The following SRRM3 variants were observed in gnomAD, a reference collection of about 807,000 sequenced individuals.
The protein encoded by SRRM3 is serine/arginine repetitive matrix protein 3.
SRRM3 carries 27 observed loss-of-function variants against 66.2 expected under a neutral mutation model. The observed-to-expected ratio is 0.41, with a 90% CI of 0.30 to 0.56. The LOEUF is 0.56. SRRM3 is among the 20% of genes least tolerant of loss of function. The probability of loss-of-function intolerance (pLI) is 0.32; values close to 1 mark genes in which losing one functional copy is unlikely to be tolerated. For synonymous variants in SRRM3, 391 were observed against 414.9 expected (o/e 0.94, Z 0.70); for missense variants, 918 against 991.9 (o/e 0.93, Z 1.00).
chr7:76,264,748 G>T lies in SRRM3; in HGVS notation c.675-17G>T. ...CTCCCCGGGCCACACCATCACTGTG[G>T]TCTCTGCTCTCTGCAGATCTCGAAG... On this transcript the variant is annotated splice_polypyrimidine_tract_variant and intron_variant, in intron 8 of 14. Coordinates refer to ENST00000611745, the MANE Select transcript of SRRM3 (RefSeq NM_001110199.3). 6.2e-7 allele frequency: 1 copy of T among 1,613,770 alleles called. No homozygotes were observed. Among genetic ancestry groups the T allele is most frequent in the South Asian group, 1.1e-5 (1 of 91,072 alleles).
At chr7:76,236,339 A>G (rs1801154485) in intron 2 of SRRM3, among the ~76,000 whole-genome samples, 1 of 150,758 alleles carries the variant, frequency 6.6e-6, no homozygotes, top group Non-Finnish European at 1.5e-5. Context: ...AGAAAGAAAG[A>G]AACTAGTGGG....
intron 11 of SRRM3, chr7:76,269,263 T>A (rs1802148775): frequency 6.6e-6 from 1 of 152,156 alleles, no homozygotes; most frequent in Admixed American, 6.6e-5. Flanking sequence ...AGACGGCATT[T>A]TGTGACTCCT....
intron 3 of SRRM3, among the ~76,000 whole-genome samples, chr7:76,257,388 G>A (rs67411475): frequency 0.23 from 34,758 of 148,436 alleles, 4,413 homozygotes; most frequent in East Asian, 0.44. Flanking sequence ...ATGGAAGGTC[G>A]GGGCCACCCC....
chr7:76,261,116 GGGGGGACATTGTTGTCCCCACAATTGT>G (rs1241414248), intron 6 of SRRM3, among the ~76,000 whole-genome samples: 1 of 131,676 alleles, frequency 7.6e-6, no homozygotes, highest in African/African-American at 4.1e-5. Flanking sequence ...CACAATGCCA[GGGGGGACATTGTTGTCCCCACAATTGT>G]GGGGACAACA....
intron 1 of SRRM3, among the ~76,000 whole-genome samples, chr7:76,211,813 CTACTATTAT>C (rs1563605809): frequency 7.3e-6 from 1 of 137,410 alleles, no homozygotes; most frequent in African/African-American, 2.9e-5. Context: ...ATTACTATTA[CTACTATTAT>C]TATTATTATT....
intron 1 of SRRM3, among the ~76,000 whole-genome samples, chr7:76,210,341 A>C (rs1245665237): frequency 1.3e-5 from 2 of 152,300 alleles, no homozygotes; most frequent in East Asian, 3.9e-4. Flanking sequence ...TCCTGGGGGA[A>C]GTCCTGTCTT....
intron 11 of SRRM3, among the ~76,000 whole-genome samples, 183 bp from the exon 12 acceptor site, chr7:76,281,250 TTCTGTCTC>T (rs1181432926): frequency 2.7e-5 from 4 of 150,530 alleles, no homozygotes; most frequent in Admixed American, 6.6e-5. Context: ...CTCGCTCTTT[TTCTGTCTC>T]TCTGTCTCTC....
intron 8 of SRRM3, among the ~76,000 whole-genome samples, chr7:76,262,947 C>T (rs1490952435): frequency 2.0e-5 from 3 of 152,104 alleles, no homozygotes; most frequent in African/African-American, 7.2e-5. Context: ...AGAGCCAGAC[C>T]CCCTTCCAGC....
chr7:76,209,538 G>C (rs561995442), intron 1 of SRRM3, among the ~76,000 whole-genome samples: 4 of 152,260 alleles, frequency 2.6e-5, no homozygotes, highest in African/African-American at 9.6e-5. Context: ...GTGGTCATAG[G>C]ACAGGACAGA....
At chr7:76,252,320 G>A (rs1801600112) in intron 3 of SRRM3, among the ~76,000 whole-genome samples, 1 of 152,000 alleles carries the variant, frequency 6.6e-6, no homozygotes, top group Admixed American at 6.6e-5. Context: ...ACTTATATAG[G>A]TGTTTGCTTG....
rs868976532 is a variant in SRRM3 at position 76,285,573 on chromosome 7, G to C, written c.1734-42G>C. On this transcript the variant is annotated intron_variant, in intron 14 of 14. Transcript: ENST00000611745. This position sits in a 1 kb window ranked among gnomAD's most constrained non-coding sequence, Gnocchi z 4.1. Reference sequence around the variant, plus strand: ...CCTGGCCGCTGCTGGGATGGGGCTCGGGGCCTGGGATGGCCTGTAATCAGC... The same window carrying C: ...CCTGGCCGCTGCTGGGATGGGGCTCCGGGCCTGGGATGGCCTGTAATCAGC... 4 of 1,506,944 alleles carry C rather than the reference G, an allele frequency of 2.7e-6. No individual in the cohort carries two copies. The highest frequency in any genetic ancestry group is 1.2e-5 in the South Asian group (1 of 80,914). The allele number at this position is 1,506,944 out of a possible 1,614,324, so 93.3% of individuals were successfully genotyped here. A position where few individuals can be genotyped will look rare whatever the true frequency, so the allele number is the denominator to read the frequency against.
chr7:76,228,188 A>G (rs542134171), intron 1 of SRRM3, among the ~76,000 whole-genome samples: 2 of 152,262 alleles, frequency 1.3e-5, no homozygotes, highest in African/African-American at 4.8e-5. Flanking sequence ...TTCATTTTTA[A>G]AGAGTTTTGA....
intron 11 of SRRM3, among the ~76,000 whole-genome samples, chr7:76,277,716 C>CAAAAAAAAAAAAA: frequency 9.7e-6 from 1 of 102,782 alleles, no homozygotes; most frequent in Non-Finnish European, 1.8e-5. Context: ...TAAACAACAA[C>CAAAAAAAAAAAAA]AAAAAAAAAA....
chr7:76,244,436 ATTGC>A (rs1247115583), intron 2 of SRRM3, among the ~76,000 whole-genome samples: 1 of 150,992 alleles, frequency 6.6e-6, no homozygotes, highest in Non-Finnish European at 1.5e-5. Context: ...AAGGAGGAGA[ATTGC>A]TTGAACCTGG....
In SRRM3 at chr7:76,253,574, T is replaced by C. The variant is rs537262911; in HGVS notation, c.335+5285T>C. Reference sequence around the variant, plus strand: ...AGGTGGAGCTTGCAGTGAACCGAGATCGTGCCACTGCACTCCAGCCTGGGT... The same window carrying C: ...AGGTGGAGCTTGCAGTGAACCGAGACCGTGCCACTGCACTCCAGCCTGGGT... On this transcript the variant is annotated intron_variant, in intron 3 of 14. Transcript: ENST00000611745. Among the ~76,000 whole-genome samples, 11 of 151,462 alleles carry C rather than the reference T, an allele frequency of 7.3e-5. No homozygotes were observed. In the South Asian group the frequency reaches 1.7e-3, roughly 23 times the overall value.
Position 76,235,115 on chromosome 7 carries a change from G to A in SRRM3, c.49G>A (p.Asp17Asn), listed in dbSNP as rs193146127. The A allele has an allele frequency of 2.8e-4, 450 of 1,587,212 alleles. 1 individual carries two copies. The East Asian group carries it at 7.3e-3, about 26-fold the overall frequency. ...GGCGGCCAGCATGCAGTCCACACCC[G>A]ACGCCGCGAACGGCTTCCCGCAGCC... Reference protein sequence around the residue: ...NGAASMQSTPDAANGFPQPSS... With the variant: ...NGAASMQSTPNAANGFPQPSS... Residue 17 changes from aspartate (D) to asparagine (N), a missense_variant, in exon 2 of 15, where the codon GAC becomes AAC. Physicochemically the swap from Asp to Asn is conservative, Grantham distance 23. Transcript: ENST00000611745.
intron 11 of SRRM3, among the ~76,000 whole-genome samples, chr7:76,277,734 A>AG (rs1491215046): frequency 7.1e-4 from 72 of 101,920 alleles, no homozygotes; most frequent in African/African-American, 1.5e-3. Context: ...AAAAAAAAAA[A>AG]AGAGAGAGAG....
intron 11 of SRRM3, among the ~76,000 whole-genome samples, chr7:76,278,557 G>C (rs1802418481): frequency 6.6e-6 from 1 of 152,136 alleles, no homozygotes; most frequent in Non-Finnish European, 1.5e-5. Flanking sequence ...TAGGGTGAGG[G>C]GTGAGCTTGT....
intron 11 of SRRM3, among the ~76,000 whole-genome samples, chr7:76,277,843 T>C (rs1207957250): frequency 1.3e-5 from 2 of 152,054 alleles, no homozygotes; most frequent in Non-Finnish European, 2.9e-5. Context: ...AGTTCCGTAC[T>C]CTGCCCTGCT....
Sources: allele counts gnomAD v4.1 joint callset (sites outside exome capture counted in the v4.1 genomes callset), GRCh38; gene constraint gnomAD v4.1.1; non-coding constraint Gnocchi (gnomAD v3.1); transcripts MANE v1.5; gene names NCBI Gene and HGNC (gene_info 2026-07-23, HGNC 2026-07-21).